Variants in STK32B observed in about 807,000 individuals in gnomAD.
STK32B encodes the protein serine/threonine kinase 32B, also known as serine/threonine-protein kinase 32B.
A neutral mutation model predicts 52.6 loss-of-function variants in STK32B; 43 were observed. The observed-to-expected ratio is 0.82, with a 90% CI of 0.64 to 1.05. The LOEUF is 1.05. Ranked by LOEUF, STK32B falls within the 50% of genes least tolerant of loss-of-function variation. The probability of loss-of-function intolerance (pLI) is 0.00; values close to 1 mark genes in which losing one functional copy is unlikely to be tolerated. For missense variants in STK32B, 621 were observed against 534.6 expected (o/e 1.16, Z -1.59); for synonymous variants, 238 against 204.3 (o/e 1.17, Z -1.41).
At chr4:5,249,492 TTCCTTCCTTC>T in intron 3 of STK32B, among the ~76,000 whole-genome samples, 1 of 144,500 alleles carries the variant, frequency 6.9e-6, no homozygotes, top group Non-Finnish European at 1.5e-5. Flanking sequence ...CCTTCCTTCC[TTCCTTCCTTC>T]CTCCCTCCCT....
At chr4:5,026,154 C>T in the STK32B span, among the ~76,000 whole-genome samples, 1 of 152,214 alleles carries the variant, frequency 6.6e-6, no homozygotes, top group Non-Finnish European at 1.5e-5. Context: ...CTAATATTTT[C>T]AGGATCTGAG....
At chr4:5,301,098 T>A (rs1009129252) in intron 3 of STK32B, among the ~76,000 whole-genome samples, 2 of 152,166 alleles carry the variant, frequency 1.3e-5, no homozygotes, top group Non-Finnish European at 2.9e-5. Flanking sequence ...TTTTCGTATG[T>A]TAGACCAACC....
chr4:5,402,907 C>T (rs542023750), intron 5 of STK32B, among the ~76,000 whole-genome samples: 4 of 152,174 alleles, frequency 2.6e-5, no homozygotes, highest in South Asian at 2.1e-4. Context: ...TGAAGCATGC[C>T]GGAGGTCAGT....
chr4:5,022,940 C>A, the STK32B span, among the ~76,000 whole-genome samples: 5 of 151,920 alleles, frequency 3.3e-5, no homozygotes, highest in African/African-American at 1.2e-4. Context: ...GCAGCTGCTC[C>A]CTATCAGGTG....
chr4:5,068,304 C>T (rs908309296), intron 1 of STK32B, among the ~76,000 whole-genome samples: 7 of 152,142 alleles, frequency 4.6e-5, no homozygotes, highest in African/African-American at 1.7e-4. Flanking sequence ...GTCTGAGTCT[C>T]ATGTTCATAA....
chr4:5,380,167 C>A lies in STK32B; in HGVS notation c.435-18040C>A, dbSNP rs1031148777. ...TGAAGCCGCTCCTAACCAGACCCAT[C>A]CTGCAGCTGGCTGTAAGCTATTTCA... is the stretch of plus-strand genomic sequence containing the variant. On this transcript the variant is annotated intron_variant, in intron 4 of 11. Transcript: ENST00000282908. This position sits in a 1 kb window ranked among gnomAD's most constrained non-coding sequence, Gnocchi z 4.3. Among the ~76,000 whole-genome samples the A allele has an allele frequency of 3.3e-5, 5 of 152,172 alleles. No homozygotes were observed. The highest frequency in any genetic ancestry group is 1.3e-4 in the Admixed American group (2 of 15,274).
intron 3 of STK32B, among the ~76,000 whole-genome samples, chr4:5,289,594 C>T (rs1212413395): frequency 2.6e-5 from 4 of 151,732 alleles, no homozygotes; most frequent in Admixed American, 2.0e-4. Context: ...AAATGGCTCA[C>T]TGCAAGCTCC....
intron 11 of STK32B, among the ~76,000 whole-genome samples, chr4:5,480,391 A>G (rs1718593983): frequency 6.6e-6 from 1 of 152,188 alleles, no homozygotes; most frequent in African/African-American, 2.4e-5. Flanking sequence ...ACATCAATCA[A>G]ATACATTTAA....
At chr4:5,342,429 T>C (rs1733146923) in intron 4 of STK32B, among the ~76,000 whole-genome samples, 1 of 152,176 alleles carries the variant, frequency 6.6e-6, no homozygotes, top group Admixed American at 6.6e-5. Flanking sequence ...AAACCATCAT[T>C]CTGAGCAAAC....
At chr4:5,052,054 T>A in intron 1 of STK32B, 139 bp downstream of exon 1, 1 of 1,330,562 alleles carries the variant, frequency 7.5e-7, no homozygotes, top group South Asian at 1.3e-5. Flanking sequence ...GAATGCAGTG[T>A]GTGCCCGACC....
chr4:5,436,592 T>C, intron 6 of STK32B: 2 of 985,406 alleles, frequency 2.0e-6, no homozygotes, highest in Non-Finnish European at 2.4e-6. Context: ...ATGCTGCTCC[T>C]AGGGGACTAG....
intron 3 of STK32B, among the ~76,000 whole-genome samples, chr4:5,324,373 ATAAGGCAC>A (rs561154584): frequency 7.6e-4 from 115 of 152,236 alleles, no homozygotes; most frequent in African/African-American, 2.7e-3. Context: ...AAATAAGAAA[ATAAGGCAC>A]TTAGAACGGT....
intron 3 of STK32B, among the ~76,000 whole-genome samples, chr4:5,310,232 C>A (rs553045163): frequency 6.6e-5 from 10 of 152,164 alleles, no homozygotes; most frequent in African/African-American, 2.4e-4. Flanking sequence ...AGGAAACAAT[C>A]AACAGAGTAA....
intron 3 of STK32B, among the ~76,000 whole-genome samples, chr4:5,269,195 G>A (rs1432100193): frequency 1.3e-5 from 2 of 152,156 alleles, no homozygotes; most frequent in South Asian, 2.1e-4. Flanking sequence ...GTGGATGTGT[G>A]CGAGGACCAT....
intron 6 of STK32B, among the ~76,000 whole-genome samples, chr4:5,429,538 A>G (rs1044989622): frequency 8.0e-5 from 10 of 125,474 alleles, no homozygotes; most frequent in African/African-American, 3.2e-4. Flanking sequence ...AATTCATTCT[A>G]TTCATCTCTT....
chr4:5,057,997 C>T (rs1292527477), intron 1 of STK32B, among the ~76,000 whole-genome samples: 1 of 152,090 alleles, frequency 6.6e-6, no homozygotes, highest in African/African-American at 2.4e-5. Context: ...GAGGTCATTC[C>T]CTTAGCTAGA....
intron 3 of STK32B, among the ~76,000 whole-genome samples, chr4:5,172,983 C>G (rs1402151064): frequency 1.2e-4 from 18 of 152,172 alleles, no homozygotes; most frequent in Non-Finnish European, 4.4e-5. Flanking sequence ...GCCTCAATTT[C>G]AGATCCTGTT....
At chr4:5,285,774 A>G (rs774749574) in intron 3 of STK32B, among the ~76,000 whole-genome samples, 1 of 152,188 alleles carries the variant, frequency 6.6e-6, no homozygotes, top group Non-Finnish European at 1.5e-5. Flanking sequence ...GCTAATGGAG[A>G]GAAATACAAC....
At chr4:5,103,026 G>A (rs1005104147) in intron 1 of STK32B, among the ~76,000 whole-genome samples, 7 of 148,682 alleles carry the variant, frequency 4.7e-5, no homozygotes, top group Admixed American at 1.4e-4. Flanking sequence ...CCAGCTCATA[G>A]GAGTAGAAAT....
Sources: gnomAD v4.1 joint callset for allele counts (sites outside exome capture counted in the v4.1 genomes callset) on GRCh38, gnomAD v4.1.1 for gene constraint, Gnocchi (gnomAD v3.1) non-coding constraint, MANE v1.5 for transcripts, NCBI Gene and HGNC (gene_info 2026-07-23, HGNC 2026-07-21) for gene names.